ZNF776: variants seen among roughly 807,000 people sequenced by gnomAD.
The protein encoded by ZNF776 is zinc finger protein 776.
ZNF776 carries 4 observed loss-of-function variants against 7.0 expected under a neutral mutation model. The observed-to-expected ratio is 0.57, with a 90% CI of 0.28 to 1.31. The LOEUF is 1.31. Ranked by LOEUF, ZNF776 falls within the 50% of genes most tolerant of loss-of-function variation. The pLI is 0.10. For synonymous variants in ZNF776, 212 were observed against 213.7 expected, an observed-to-expected ratio of 0.99 and a Z score of 0.07; for missense variants, 555 against 625.9, an observed-to-expected ratio of 0.89 and a Z score of 1.21.
rs775971584 is a variant in ZNF776, at chr19:57,753,328, G to A, written c.198G>A (p.Lys66=). The change falls in exon 3 of 3, where the codon AAG becomes AAA. Residue 66 remains lysine, a synonymous_variant. Transcript: ENST00000317178. The part of the protein sequence containing the change: ...WYGAKDETPS[K]QTLSIQQESP... ...GAGCAAAAGACGAGACACCTTCTAAGCAGACCCTTTCTATACAACAGGAGT... is the reference window on the plus strand; with the variant it reads ...GAGCAAAAGACGAGACACCTTCTAAACAGACCCTTTCTATACAACAGGAGT... 3 of 1,613,850 alleles carry A rather than the reference G, an allele frequency of 1.9e-6. No individual in the cohort carries two copies. Among genetic ancestry groups the A allele is most frequent in the Admixed American group, 3.3e-5 (2 of 59,948 alleles).
chr19:57,751,162 C>T (rs1986592287), intron 2 of ZNF776, among the ~76,000 whole-genome samples: 1 of 152,154 alleles, frequency 6.6e-6, no homozygotes, highest in Non-Finnish European at 1.5e-5. Flanking sequence ...ATAATGCATC[C>T]CACCTTGCTT....
At chr19:57,750,754 T>A (rs768841531) in intron 1 of ZNF776, 31 bp from the exon 2 acceptor site, 2 of 1,601,244 alleles carry the variant, frequency 1.2e-6, no homozygotes, top group South Asian at 2.2e-5. Context: ...ATATGGAGTG[T>A]TTGTGGTTTC....
chr19:57,751,585 C>CT (rs1296601152), intron 2 of ZNF776, among the ~76,000 whole-genome samples: 6 of 152,034 alleles, frequency 3.9e-5, no homozygotes, highest in African/African-American at 1.2e-4. Flanking sequence ...AGGCTGGTCT[C>CT]TGACTCCCAA....
chr19:57,750,855 A>C lies in ZNF776; in HGVS notation c.104A>C (p.Gln35Pro), dbSNP rs896694225. Residue 35 changes from glutamine (Q) to proline (P), a missense_variant, in exon 2 of 3, where the codon CAG becomes CCG. Transcript: ENST00000317178. The stretch of plus-strand genomic sequence containing the variant: ...GAATGGAGTCTCCTTAGTGAGGCTC[A>C]GAGATGCCTTTATCATGACGTGATG... Reference protein sequence around the residue: ...QEEWSLLSEAQRCLYHDVMLE... With the variant: ...QEEWSLLSEAPRCLYHDVMLE... The C allele has an allele frequency of 6.2e-7, 1 of 1,613,384 alleles. No individual in the cohort carries two copies.
chr19:57,750,910 A>G lies in ZNF776; in HGVS notation c.159A>G (p.Leu53=). 4 of 1,607,416 alleles carry G rather than the reference A, an allele frequency of 2.5e-6. No homozygotes were observed. Among genetic ancestry groups the G allele is most frequent in the Non-Finnish European group, 3.4e-6 (4 of 1,176,396 alleles). ...MLENLTLISS[L]GCWYGAKDET... is the part of the protein sequence containing the mutation. ...AGAACCTGACACTTATATCTTCTCTAGGTAAGGCACTCACACTCTTCTCTA... is the reference window on the plus strand; with the variant it reads ...AGAACCTGACACTTATATCTTCTCTGGGTAAGGCACTCACACTCTTCTCTA... The change falls in exon 2 of 3, where the codon CTA becomes CTG. Residue 53 remains leucine (L), a splice_region_variant and synonymous_variant. Transcript: ENST00000317178.
chr19:57,751,868 G>GTTTTTTTTTTTTTTTTT lies in ZNF776; in HGVS notation c.160+963_160+979dup, dbSNP rs768825787. Reference sequence around the variant, plus strand: ...TTTGTTCATTTGTATTTTTGGTTTTGTTTTTTTTTTTTTTTTTTTTTTGAG... The same window carrying GTTTTTTTTTTTTTTTTT: ...TTTGTTCATTTGTATTTTTGGTTTTGTTTTTTTTTTTTTTTTTTTTTTTTTTTTTTTTTTTTTTTGAG... On this transcript the variant is annotated intron_variant, in intron 2 of 2. Transcript: ENST00000317178. Among the ~76,000 whole-genome samples the GTTTTTTTTTTTTTTTTT allele has an allele frequency of 1.3e-4, 9 of 67,524 alleles. 2 individuals carry two copies. The highest frequency in any genetic ancestry group is 9.7e-4 in the East Asian group (2 of 2,054). The allele number at this position is 67,524 out of a possible 152,430, so 44.3% of individuals were successfully genotyped here.
intron 2 of ZNF776, among the ~76,000 whole-genome samples, chr19:57,751,739 A>G (rs2122514745): frequency 6.6e-6 from 1 of 150,628 alleles, no homozygotes; most frequent in Admixed American, 6.6e-5. Context: ...CTACTGATGC[A>G]ATCATGGTTC....
Position 57,754,677 on chromosome 19 carries a change from A to G in ZNF776, c.1547A>G (p.His516Arg). ...CGAGTTCACACGGGAGAAAGACATC[A>G]TGAATGTTGAAAATTTGGCAGATCT... is the stretch of plus-strand genomic sequence containing the variant. ...HQRVHTGERH[H>R]EC Residue 516 changes from histidine (H) to arginine (R), a missense_variant, in exon 3 of 3, where the codon CAT becomes CGT. Coordinates refer to ENST00000317178, the MANE Select transcript of ZNF776 (RefSeq NM_173632.4). 1 of 1,607,340 alleles carries G rather than the reference A, an allele frequency of 6.2e-7. No homozygotes were observed. Among genetic ancestry groups the G allele is most frequent in the East Asian group, 2.2e-5 (1 of 44,716 alleles).
intron 2 of ZNF776, among the ~76,000 whole-genome samples, chr19:57,751,790 C>T (rs1986608890): frequency 6.6e-6 from 1 of 151,600 alleles, no homozygotes; most frequent in Admixed American, 6.6e-5. Flanking sequence ...ATCCTCCCAC[C>T]TGACTCCTAA....
intron 1 of ZNF776, among the ~76,000 whole-genome samples, chr19:57,750,186 G>T (rs1013614716): frequency 6.6e-6 from 1 of 151,928 alleles, no homozygotes; most frequent in Non-Finnish European, 1.5e-5. Flanking sequence ...CACATTGGGA[G>T]GCTGAGGTGG....
At chr19:57,752,038 A>AT (rs1180042030) in intron 2 of ZNF776, among the ~76,000 whole-genome samples, 1 of 151,344 alleles carries the variant, frequency 6.6e-6, no homozygotes, top group Non-Finnish European at 1.5e-5. Context: ...CACCTGGCTA[A>AT]TTTTTTTGTA....
rs762670227 is a variant in ZNF776 at position 57,753,444 on chromosome 19, A to G, written c.314A>G (p.Gln105Arg). ...CGPLLGDILH[Q>R]GTQHNQKLNG... ...CCTCTCCTGGGAGATATCTTACACCAGGGAACACAACACAATCAGAAATTG... is the reference window on the plus strand; with the variant it reads ...CCTCTCCTGGGAGATATCTTACACCGGGGAACACAACACAATCAGAAATTG... The change falls in exon 3 of 3, where the codon CAG becomes CGG. Residue 105 changes from glutamine to arginine, a missense_variant. Coordinates refer to ENST00000317178, the MANE Select transcript of ZNF776 (RefSeq NM_173632.4). The G allele has an allele frequency of 1.9e-6, 3 of 1,614,234 alleles. No homozygotes were observed. The highest frequency in any genetic ancestry group is 2.5e-6 in the Non-Finnish European group (3 of 1,180,050).
Position 57,746,822 on chromosome 19 carries a change from A to G in ZNF776, c.-237A>G, listed in dbSNP as rs1986442852. 4 of 417,894 alleles carry G rather than the reference A, an allele frequency of 9.6e-6. No homozygotes were observed. In the East Asian group the frequency reaches 1.4e-4, roughly 15 times the overall value. 25.9% of individuals were successfully genotyped at this position (417,894 alleles called of 1,614,324 possible). On this transcript the variant is annotated 5_prime_UTR_variant, in exon 1 of 3. Transcript: ENST00000317178. ...CTTCCGGCGTCCTCTACTAGTGGCC[A>G]TTTTGATTGGTGTTGGGTGTATTTT...
At chr19:57,747,123 A>G in intron 1 of ZNF776, 32 bp downstream of exon 1, 1 of 1,572,562 alleles carries the variant, frequency 6.4e-7, no homozygotes, top group Non-Finnish European at 8.6e-7. Flanking sequence ...CCCTCAGGTC[A>G]CCTCATCTTT....
At chr19:57,748,584 G>A (rs189746803) in intron 1 of ZNF776, among the ~76,000 whole-genome samples, 7 of 152,236 alleles carry the variant, frequency 4.6e-5, no homozygotes, top group Admixed American at 2.6e-4. Context: ...AAATCTTTTA[G>A]GGGACCAGAA....
At chr19:57,747,986 A>G (rs1986489837) in intron 1 of ZNF776, among the ~76,000 whole-genome samples, 1 of 152,158 alleles carries the variant, frequency 6.6e-6, no homozygotes, top group Non-Finnish European at 1.5e-5. Context: ...AGGTTAACCC[A>G]GGAGTTAGTA....
In ZNF776 at chr19:57,750,432, C is replaced by CAA. The variant is rs60314566; in HGVS notation, c.34-341_34-340dup. ...GGGCAACAGGAGTGAAACCCTATCT[C>CAA]AAAAAAAAAAAAAGCAAAAAAAAGG... is the stretch of plus-strand genomic sequence containing the variant. On this transcript the variant is annotated intron_variant, in intron 1 of 2. Coordinates refer to ENST00000317178, the MANE Select transcript of ZNF776 (RefSeq NM_173632.4). Among the ~76,000 whole-genome samples, 292 of 137,788 alleles carry CAA rather than the reference C, an allele frequency of 2.1e-3. 1 individual carries two copies. The highest frequency in any genetic ancestry group is 4.8e-3 in the African/African-American group (181 of 37,822). The allele number at this position is 137,788 out of a possible 152,430, so 90.4% of individuals were successfully genotyped here. A position where few individuals can be genotyped will look rare whatever the true frequency, so the allele number is the denominator to read the frequency against.
At position 57,747,216 on chromosome 19, in the gene ZNF776, T is replaced by C. The variant is rs556960009; in HGVS notation, c.33+125T>C. 1.5e-4 allele frequency: 160 copies of C among 1,047,538 alleles called. 1 individual carries two copies. The Admixed American group carries it at 1.9e-3, about 12-fold the overall frequency. The allele number at this position is 1,047,538 out of a possible 1,614,324, so 64.9% of individuals were successfully genotyped here. A position where few individuals can be genotyped will look rare whatever the true frequency, so the allele number is the denominator to read the frequency against. ...CCGGCGTCGGGACACTGAGGCGCTC[T>C]CTATGGGCCCCCGTTTTTGACACCC... On this transcript the variant is annotated intron_variant, in intron 1 of 2. Coordinates refer to ENST00000317178, the MANE Select transcript of ZNF776 (RefSeq NM_173632.4).
At chr19:57,750,959 T>TCCCCATCTTTTTTCCCC (rs781145645) in intron 2 of ZNF776, 48 bp downstream of exon 2, 1 of 1,550,120 alleles carries the variant, frequency 6.5e-7, no homozygotes, top group African/African-American at 1.4e-5. Flanking sequence ...TGTCTGTCTG[T>TCCCCATCTTTTTTCCCC]CCCCATCTTT....
Sources: allele counts gnomAD v4.1 joint callset (sites outside exome capture counted in the v4.1 genomes callset), GRCh38; gene constraint gnomAD v4.1.1; transcripts MANE v1.5; gene names NCBI Gene and HGNC (gene_info 2026-07-23, HGNC 2026-07-21).